Variants in PCDHA3 observed in about 807,000 individuals in gnomAD.
PCDHA3 encodes the protein protocadherin alpha-3.
Under a neutral mutation model 62.2 loss-of-function variants are expected in PCDHA3, and 41 were observed. The ratio of observed to expected loss-of-function variants is 0.66; its 90% CI spans 0.51 to 0.86. PCDHA3 has a LOEUF of 0.86. Among genes scored for constraint, PCDHA3 ranks in the 40% least tolerant of loss-of-function variants. The pLI, the probability that PCDHA3 is intolerant of heterozygous loss-of-function variation, is 0.00. For synonymous variants in PCDHA3, 640 were observed against 555.4 expected (o/e 1.15, Z -2.14); for missense variants, 1,304 against 1,241.2 (o/e 1.05, Z -0.76).
chr5:140,863,653 T>C (rs2048107718), intron 1 of PCDHA3: 1 of 297,060 alleles, frequency 3.4e-6, no homozygotes, highest in Admixed American at 4.5e-5. Flanking sequence ...ATTAATTTGA[T>C]TGCTTTATTT....
At chr5:140,834,193 T>C in intron 1 of PCDHA3, 1 of 594,062 alleles carries the variant, frequency 1.7e-6, no homozygotes, top group Non-Finnish European at 2.9e-6. Flanking sequence ...GATGTCGCTC[T>C]TTACCGCAAA....
chr5:140,963,680 T>G (rs1482854996), intron 1 of PCDHA3, among the ~76,000 whole-genome samples: 1 of 152,238 alleles, frequency 6.6e-6, no homozygotes, highest in African/African-American at 2.4e-5. Context: ...TTAAATGTGT[T>G]TATCCGTGTT....
intron 1 of PCDHA3, chr5:140,843,081 C>T (rs2150352051): frequency 1.3e-6 from 2 of 1,595,422 alleles, no homozygotes; most frequent in Admixed American, 1.7e-5. Flanking sequence ...TCTGTGGGCG[C>T]GGGCCACGTG....
At chr5:140,968,992 T>C in intron 1 of PCDHA3, 1 of 1,614,220 alleles carries the variant, frequency 6.2e-7, no homozygotes, top group Non-Finnish European at 8.5e-7. Flanking sequence ...CTGCATGCTG[T>C]GGAGGCTTCT....
rs1310874154 is a variant in PCDHA3 at position 140,805,167 on chromosome 5, A to G, written c.2394+1576A>G. 24 of 1,532,748 alleles carry G rather than the reference A, an allele frequency of 1.6e-5. No homozygotes were observed. In the Middle Eastern group the frequency reaches 5.1e-4, roughly 33 times the overall value. The allele number at this position is 1,532,748 out of a possible 1,614,324, so 94.9% of individuals were successfully genotyped here. ...TTTGGAATTTTCACTTCACAGATGT[A>G]CTGATGCTATGCCAAATAAATATTG... On this transcript the variant is annotated intron_variant, in intron 1 of 3. Coordinates refer to ENST00000522353, the MANE Select transcript of PCDHA3 (RefSeq NM_018906.3).
chr5:140,836,500 C>G, intron 1 of PCDHA3: 1 of 1,613,882 alleles, frequency 6.2e-7, no homozygotes, highest in Non-Finnish European at 8.5e-7. Flanking sequence ...GCCATCTGCG[C>G]GGTGTCCAGT....
At chr5:140,870,293 T>C in intron 1 of PCDHA3, 1 of 1,614,182 alleles carries the variant, frequency 6.2e-7, no homozygotes, top group Non-Finnish European at 8.5e-7. Context: ...TTCAAGCTGG[T>C]GTCCACCTTC....
chr5:140,950,254 T>C (rs1554219388), intron 1 of PCDHA3, among the ~76,000 whole-genome samples: 1 of 152,040 alleles, frequency 6.6e-6, no homozygotes. Context: ...CCTAAAGAGC[T>C]GAGTTTATCC....
chr5:140,884,410 G>T, intron 1 of PCDHA3: 1 of 1,614,008 alleles, frequency 6.2e-7, no homozygotes, highest in South Asian at 1.1e-5. Context: ...TGGTGCTCAC[G>T]TTGCTGCTGT....
intron 1 of PCDHA3, chr5:140,842,493 C>A: frequency 6.2e-7 from 1 of 1,613,856 alleles, no homozygotes; most frequent in Non-Finnish European, 8.5e-7. Context: ...TCCCTGATGC[C>A]CCATGTCCCC....
intron 1 of PCDHA3, chr5:140,866,209 TGGA>T (rs371374348): frequency 2.8e-4 from 43 of 152,294 alleles, no homozygotes; most frequent in African/African-American, 7.9e-4. Context: ...AATATCCTTG[TGGA>T]ACACCTAAAC....
At chr5:140,834,504 C>T (rs2150219958) in intron 1 of PCDHA3, 3 of 1,614,130 alleles carry the variant, frequency 1.9e-6, no homozygotes, top group Non-Finnish European at 1.7e-6. Flanking sequence ...GGAGGCTAAA[C>T]ATGGCAACTT....
chr5:140,808,077 C>G, intron 1 of PCDHA3: 1 of 1,613,850 alleles, frequency 6.2e-7, no homozygotes, highest in Non-Finnish European at 8.5e-7. Context: ...CACATAGATC[C>G]AATTACTGGA....
chr5:140,878,239 T>C (rs1198199054), intron 1 of PCDHA3: 1 of 155,370 alleles, frequency 6.4e-6, no homozygotes, highest in Non-Finnish European at 1.4e-5. Context: ...ATGGATTCTT[T>C]AACTCTTCCT....
In PCDHA3 at chr5:140,846,617, G is replaced by A. The variant is rs2150393003; in HGVS notation, c.2394+43026G>A. Among the ~76,000 whole-genome samples, 14 of 148,740 alleles carry A rather than the reference G, an allele frequency of 9.4e-5. 1 individual carries two copies. The highest frequency in any genetic ancestry group is 1.7e-4 in the African/African-American group (7 of 40,642). ...TCTCGATCTCCTGACCTCCTGATCC[G>A]CCCACTTCGGCCTCCTAAAGTGCTG... is the stretch of plus-strand genomic sequence containing the variant. On this transcript the variant is annotated intron_variant, in intron 1 of 3. Transcript: ENST00000522353.
chr5:140,856,808 C>T, intron 1 of PCDHA3: 1 of 1,594,492 alleles, frequency 6.3e-7, no homozygotes, highest in Non-Finnish European at 8.6e-7. Context: ...GTATGAAAAT[C>T]AAGTGAACCA....
intron 1 of PCDHA3, chr5:140,857,005 A>C: frequency 6.3e-7 from 1 of 1,595,528 alleles, no homozygotes; most frequent in East Asian, 2.2e-5. Context: ...AAATTCATGT[A>C]GATGTTACAG....
chr5:141,004,092 C>T (rs1245515449), intron 3 of PCDHA3, among the ~76,000 whole-genome samples: 1 of 152,198 alleles, frequency 6.6e-6, no homozygotes, highest in Non-Finnish European at 1.5e-5. Context: ...TGTGCTTCTT[C>T]CGTTTTCATC....
Position 140,823,324 on chromosome 5 carries a change from T to C in PCDHA3, c.2394+19733T>C, listed in dbSNP as rs2150124728. Reference sequence around the variant, plus strand: ...GGTGCACGCGGAGAGCGGCAAGGTGTACGCGCTGCAGCCGCTGGACCACGA... The same window carrying C: ...GGTGCACGCGGAGAGCGGCAAGGTGCACGCGCTGCAGCCGCTGGACCACGA... On this transcript the variant is annotated intron_variant, in intron 1 of 3. Coordinates refer to ENST00000522353, the MANE Select transcript of PCDHA3 (RefSeq NM_018906.3). 8 of 1,611,998 alleles carry C rather than the reference T, an allele frequency of 5.0e-6. No individual in the cohort carries two copies. The African/African-American group carries it at 9.3e-5, about 19-fold the overall frequency.
Sources: allele counts gnomAD v4.1 joint callset (sites outside exome capture counted in the v4.1 genomes callset), GRCh38; gene constraint gnomAD v4.1.1; transcripts MANE v1.5; gene names NCBI Gene and HGNC (gene_info 2026-07-23, HGNC 2026-07-21).